KCNIP2: variants seen among roughly 807,000 people sequenced by gnomAD.
KCNIP2 encodes the protein potassium voltage-gated channel interacting protein 2.
Under a neutral mutation model 39.0 loss-of-function variants are expected in KCNIP2, and 19 were observed. The observed-to-expected ratio is 0.49, with a 90% CI of 0.34 to 0.71. The LOEUF (loss-of-function observed/expected upper bound fraction) is 0.71, where lower values mean the gene tolerates loss of function less well. KCNIP2 is among the 30% of genes least tolerant of loss of function. The pLI is 0.01. For missense variants in KCNIP2, 261 were observed against 346.0 expected (o/e 0.75, Z 1.95); for synonymous variants, 111 against 131.2 (o/e 0.85, Z 1.05).
intron 1 of KCNIP2, among the ~76,000 whole-genome samples, chr10:101,840,297 G>A (rs898720472): frequency 6.6e-6 from 1 of 150,984 alleles, no homozygotes; most frequent in Non-Finnish European, 1.5e-5. Context: ...GGGGTAAGAG[G>A]ACAGAGTTGT....
At chr10:101,837,861 C>T (rs1166244441) in intron 1 of KCNIP2, among the ~76,000 whole-genome samples, 3 of 152,196 alleles carry the variant, frequency 2.0e-5, no homozygotes, top group African/African-American at 7.2e-5. Flanking sequence ...CCAAGCCAGA[C>T]TATTTGAATG....
intron 1 of KCNIP2, among the ~76,000 whole-genome samples, chr10:101,840,912 C>A (rs1239343704): frequency 4.6e-5 from 7 of 152,172 alleles, no homozygotes; most frequent in African/African-American, 7.2e-5. Flanking sequence ...GTCGGGGGAC[C>A]GAGCTCAGGG....
chr10:101,829,935 C>T (rs1018031045), intron 2 of KCNIP2, 38 bp from the exon 3 acceptor site: 1 of 1,541,566 alleles, frequency 6.5e-7, no homozygotes, highest in Non-Finnish European at 8.7e-7. Flanking sequence ...AGCGGAAGAC[C>T]CGGCCAACTG....
At chr10:101,832,742 C>A (rs546804474) in intron 1 of KCNIP2, among the ~76,000 whole-genome samples, 1 of 152,136 alleles carries the variant, frequency 6.6e-6, no homozygotes, top group East Asian at 1.9e-4. Flanking sequence ...TTGCCCGACT[C>A]GGGGGTGGCT....
chr10:101,834,404 G>A, intron 1 of KCNIP2: 1 of 399,148 alleles, frequency 2.5e-6, no homozygotes, highest in Non-Finnish European at 4.4e-6. Context: ...CAGGGCCCAG[G>A]TTCAGATACG....
At chr10:101,842,098 G>A (rs995752796) in intron 1 of KCNIP2, among the ~76,000 whole-genome samples, 1 of 152,154 alleles carries the variant, frequency 6.6e-6, no homozygotes, top group Non-Finnish European at 1.5e-5. Context: ...CCCTTCCCAG[G>A]TCTCAATCTC....
In KCNIP2 at chr10:101,827,351, G is replaced by A. The variant is rs545002634; in HGVS notation, c.*2C>T. ...GGAAACACTGACCCCCTCTCCTGGG[G>A]GCTAGATGACATTGTCAAAGAGCTG... On this transcript the variant is annotated 3_prime_UTR_variant, in exon 10 of 10. Coordinates refer to ENST00000356640, the MANE Select transcript of KCNIP2 (RefSeq NM_173191.3). 2 of 1,603,462 alleles carry A rather than the reference G, an allele frequency of 1.2e-6. No individual in the cohort carries two copies. The highest frequency in any genetic ancestry group is 4.5e-5 in the East Asian group (2 of 44,496).
chr10:101,827,477 C>A (rs2065779840), intron 9 of KCNIP2, 77 bp from the exon 10 acceptor site: 1 of 1,480,414 alleles, frequency 6.8e-7, no homozygotes. Context: ...GAGAGGGACA[C>A]TGAGTCACAG....
At chr10:101,827,582 TG>T (rs1564659460) in intron 9 of KCNIP2, 106 bp downstream of exon 9, 2 of 1,375,068 alleles carry the variant, frequency 1.5e-6, no homozygotes, top group Non-Finnish European at 2.1e-6. Context: ...GATTGAAATA[TG>T]GGGGTGAGGT....
Position 101,828,319 on chromosome 10 carries a change from G to C in KCNIP2, c.490-61C>G, listed in dbSNP as rs139629044. 35 of 1,610,752 alleles carry C rather than the reference G, an allele frequency of 2.2e-5. No individual in the cohort carries two copies. The highest frequency in any genetic ancestry group is 8.3e-5 in the Admixed American group (5 of 60,010). On this transcript the variant is annotated intron_variant, in intron 6 of 9. Transcript: ENST00000356640. This position sits in a 1 kb window ranked among gnomAD's most constrained non-coding sequence, Gnocchi z 6.6. ...TACTCTTCACCCAACTCCTTCTCTG[G>C]GTTTGGCCTGGAGATCCTGGCCCTG...
At chr10:101,840,677 G>A (rs1215563481) in intron 1 of KCNIP2, among the ~76,000 whole-genome samples, 1 of 151,988 alleles carries the variant, frequency 6.6e-6, no homozygotes, top group Non-Finnish European at 1.5e-5. Flanking sequence ...AAGCCTACGG[G>A]AGAGATATAG....
At chr10:101,831,538 TAC>T (rs1011889499) in intron 1 of KCNIP2, among the ~76,000 whole-genome samples, 14 of 152,060 alleles carry the variant, frequency 9.2e-5, no homozygotes, top group Non-Finnish European at 2.1e-4. Context: ...TACACACACC[TAC>T]AGTGACAGGC....
chr10:101,843,478 C>T lies in KCNIP2; in HGVS notation c.73+18G>A, dbSNP rs1266405650. On this transcript the variant is annotated intron_variant, in intron 1 of 9. Coordinates refer to ENST00000356640, the MANE Select transcript of KCNIP2 (RefSeq NM_173191.3). This position sits in a 1 kb window ranked among gnomAD's most constrained non-coding sequence, Gnocchi z 6.7. ...GGAATCCACCCTCCCTCCCGCGACC[C>T]CCACGTCACTGACTCACCCGTGAGC... 1.3e-6 allele frequency: 2 copies of T among 1,522,486 alleles called. No homozygotes were observed. Among genetic ancestry groups the T allele is most frequent in the African/African-American group, 1.4e-5 (1 of 70,136 alleles). The allele number at this position is 1,522,486 out of a possible 1,614,324, so 94.3% of individuals were successfully genotyped here.
At chr10:101,841,861 G>C (rs2066347998) in intron 1 of KCNIP2, among the ~76,000 whole-genome samples, 1 of 152,334 alleles carries the variant, frequency 6.6e-6, no homozygotes, top group Admixed American at 6.5e-5. Flanking sequence ...AGGCCCCTAG[G>C]CCCTTACTAC....
chr10:101,836,154 C>T (rs749548193), intron 1 of KCNIP2, among the ~76,000 whole-genome samples: 5 of 152,184 alleles, frequency 3.3e-5, no homozygotes, highest in Non-Finnish European at 7.4e-5. Flanking sequence ...CAGTTCTATA[C>T]AGCCACCACC....
At chr10:101,841,179 G>A (rs1471455358) in intron 1 of KCNIP2, among the ~76,000 whole-genome samples, 1 of 152,194 alleles carries the variant, frequency 6.6e-6, no homozygotes, top group African/African-American at 2.4e-5. Flanking sequence ...TAAAATGTTC[G>A]GAGGTACCCA....
In KCNIP2 at chr10:101,828,768, G is replaced by GC; in HGVS notation, c.349-73dup. The GC allele has an allele frequency of 1.2e-6, 2 of 1,612,322 alleles. No individual in the cohort carries two copies. Among genetic ancestry groups the GC allele is most frequent in the Non-Finnish European group, 1.7e-6 (2 of 1,178,950 alleles). ...CCGTTCACCGCCCCCACCCTCCATG[G>GC]CCCAAGACTCCCAGGGAGGGGGATA... is the stretch of plus-strand genomic sequence containing the variant. On this transcript the variant is annotated intron_variant, in intron 4 of 9. Coordinates refer to ENST00000356640, the MANE Select transcript of KCNIP2 (RefSeq NM_173191.3). This position sits in a 1 kb window ranked among gnomAD's most constrained non-coding sequence, Gnocchi z 6.6.
intron 1 of KCNIP2, among the ~76,000 whole-genome samples, chr10:101,842,681 G>T (rs1007213809): frequency 4.6e-5 from 7 of 152,178 alleles, no homozygotes; most frequent in Non-Finnish European, 8.8e-5. Context: ...CCCTCCTTGG[G>T]TCCACCTGGG....
Position 101,830,364 on chromosome 10 carries a change from C to T in KCNIP2, c.170-467G>A. The T allele has an allele frequency of 3.9e-6, 5 of 1,268,136 alleles. 1 individual carries two copies. The highest frequency in any genetic ancestry group is 5.8e-5 in the East Asian group (1 of 17,320). 78.6% of individuals were successfully genotyped at this position (1,268,136 alleles called of 1,614,324 possible). ...ATCCTGTCGGGGCATAGGCAACACA[C>T]ATCAGGGGTCCAAAACACGGTGGGG... On this transcript the variant is annotated intron_variant, in intron 2 of 9. Coordinates refer to ENST00000356640, the MANE Select transcript of KCNIP2 (RefSeq NM_173191.3).
Sources: gnomAD v4.1 joint callset for allele counts (sites outside exome capture counted in the v4.1 genomes callset) on GRCh38, gnomAD v4.1.1 for gene constraint, Gnocchi (gnomAD v3.1) non-coding constraint, MANE v1.5 for transcripts, NCBI Gene and HGNC (gene_info 2026-07-23, HGNC 2026-07-21) for gene names.